Variants in HMCN1 observed in about 807,000 individuals in gnomAD.
The protein encoded by HMCN1 is hemicentin-1.
In HMCN1, 321 loss-of-function variants were observed where a neutral mutation model predicts 625.9. The ratio of observed to expected loss-of-function variants is 0.51; its 90% confidence interval spans 0.47 to 0.56. The LOEUF (loss-of-function observed/expected upper bound fraction) is 0.56. HMCN1 is among the 20% of genes least tolerant of loss of function. The pLI, the probability that HMCN1 is intolerant of heterozygous loss-of-function variation, is 0.00. For missense variants in HMCN1, 6,588 were observed against 6,887.3 expected (o/e 0.96, Z 1.54); for synonymous variants, 2,425 against 2,417.6 (o/e 1.00, Z -0.09).
chr1:185,867,301 T>G (rs1399238691), intron 4 of HMCN1, among the ~76,000 whole-genome samples: 1 of 152,172 alleles, frequency 6.6e-6, no homozygotes, highest in Non-Finnish European at 1.5e-5. Context: ...ACAGTTGATT[T>G]GCCTCAATGT....
intron 93 of HMCN1, 48 bp downstream of exon 93, chr1:186,145,971 A>G: frequency 1.3e-6 from 2 of 1,585,092 alleles, no homozygotes; most frequent in Admixed American, 3.4e-5. Flanking sequence ...GCCTTTGTGC[A>G]AATTAGAGAA....
At chr1:185,877,561 G>A (rs1664035883) in intron 4 of HMCN1, among the ~76,000 whole-genome samples, 1 of 151,310 alleles carries the variant, frequency 6.6e-6, no homozygotes, top group Non-Finnish European at 1.5e-5. Flanking sequence ...GGCATTATGG[G>A]CATTTTAACA....
Position 186,057,214 on chromosome 1 carries a change from T to G in HMCN1, c.7145-20T>G, listed in dbSNP as rs375393059. ...GCAACTAATATTTCCATTCCCTGTT[T>G]GTTTTATTTTGTCTTACAGCTCCTC... On this transcript the variant is annotated intron_variant, in intron 45 of 106. Coordinates refer to ENST00000271588, the MANE Select transcript of HMCN1 (RefSeq NM_031935.3). 1.7e-5 allele frequency: 27 copies of G among 1,599,474 alleles called. No homozygotes were observed. The African/African-American group carries it at 2.7e-4, about 16-fold the overall frequency.
intron 2 of HMCN1, among the ~76,000 whole-genome samples, chr1:185,858,481 G>T (rs1384779989): frequency 6.6e-6 from 1 of 150,908 alleles, no homozygotes; most frequent in East Asian, 1.9e-4. Flanking sequence ...AGGCTGGAGT[G>T]CAGTGGCATA....
At chr1:185,878,725 C>T (rs74859328) in intron 4 of HMCN1, among the ~76,000 whole-genome samples, 4,182 of 152,234 alleles carry the variant, frequency 0.027, 173 homozygotes, top group African/African-American at 0.09. Context: ...TATTATATTA[C>T]ATATCCTTTG....
At chr1:185,902,912 T>G (rs1272997206) in intron 4 of HMCN1, among the ~76,000 whole-genome samples, 1 of 151,490 alleles carries the variant, frequency 6.6e-6, no homozygotes, top group Non-Finnish European at 1.5e-5. Context: ...TCACTGAGAT[T>G]TGGCCATTCT....
chr1:185,991,669 ATTCC>A (rs1362796313), intron 22 of HMCN1, among the ~76,000 whole-genome samples: 1 of 151,386 alleles, frequency 6.6e-6, no homozygotes, highest in African/African-American at 2.4e-5. Flanking sequence ...TTATTTTTTC[ATTCC>A]TTTATTTATG....
chr1:185,863,792 AAC>A (rs1663014722), intron 2 of HMCN1, among the ~76,000 whole-genome samples: 1 of 152,238 alleles, frequency 6.6e-6, no homozygotes, highest in Non-Finnish European at 1.5e-5. Context: ...GGAAAAATGA[AAC>A]AGAGTCAGAG....
rs767976424 is a variant in HMCN1, at chr1:186,145,452, G to A, written c.14316G>A (p.Thr4772=). 1.6e-5 allele frequency: 26 copies of A among 1,605,936 alleles called. No individual in the cohort carries two copies. Among genetic ancestry groups the A allele is most frequent in the Middle Eastern group, 1.7e-4 (1 of 6,024 alleles). ...GTGGCTGGGGAACATGCAGCCGGAC[G>A]TGTAACGGAGGGCAGATGCGGCGGT... is the stretch of plus-strand genomic sequence containing the variant. ...PWSGWGTCSR[T]CNGGQMRRYR... is the part of the protein sequence containing the mutation. The change falls in exon 92 of 107, where the codon ACG becomes ACA. Residue 4772 remains threonine (T), a synonymous_variant. Transcript: ENST00000271588.
chr1:186,038,044 A>G lies in HMCN1; in HGVS notation c.5851+9A>G. On this transcript the variant is annotated intron_variant, in intron 37 of 106. Coordinates refer to ENST00000271588, the MANE Select transcript of HMCN1 (RefSeq NM_031935.3). ...TGGAAATCCTGTGCCTGGTACATTTACTTTTGAACTCTGTAACTTAATATT... is the reference window on the plus strand; with the variant it reads ...TGGAAATCCTGTGCCTGGTACATTTGCTTTTGAACTCTGTAACTTAATATT... 1 of 1,525,362 alleles carries G rather than the reference A, an allele frequency of 6.6e-7. No homozygotes were observed. Among genetic ancestry groups the G allele is most frequent in the Non-Finnish European group, 9.1e-7 (1 of 1,098,962 alleles). 94.5% of individuals were successfully genotyped at this position (1,525,362 alleles called of 1,614,324 possible).
intron 46 of HMCN1, among the ~76,000 whole-genome samples, chr1:186,058,475 G>T (rs1426169705): frequency 6.6e-6 from 1 of 151,802 alleles, no homozygotes; most frequent in Non-Finnish European, 1.5e-5. Flanking sequence ...TAACTATGAT[G>T]GGAAATTATC....
At chr1:186,066,553 C>G (rs1163648903) in intron 49 of HMCN1, among the ~76,000 whole-genome samples, 1 of 152,134 alleles carries the variant, frequency 6.6e-6, no homozygotes, top group Non-Finnish European at 1.5e-5. Flanking sequence ...CTACTGTCTC[C>G]ACCACTTCAT....
At chr1:186,169,544 A>T (rs992338155) in intron 100 of HMCN1, among the ~76,000 whole-genome samples, 12 of 152,116 alleles carry the variant, frequency 7.9e-5, no homozygotes, top group African/African-American at 2.7e-4. Flanking sequence ...CACATCTACA[A>T]CCATCTGATC....
At chr1:185,775,948 A>G (rs1656574654) in intron 1 of HMCN1, among the ~76,000 whole-genome samples, 1 of 152,226 alleles carries the variant, frequency 6.6e-6, no homozygotes, top group Non-Finnish European at 1.5e-5. Flanking sequence ...ATGCTCTAAT[A>G]GGAGCAGGCT....
rs767657987 is a variant in HMCN1, at chr1:186,003,809, T to A, written c.4440T>A (p.Thr1480=). The change falls in exon 29 of 107, where the codon ACT becomes ACA. Residue 1480 remains threonine (T), a synonymous_variant. Coordinates refer to ENST00000271588, the MANE Select transcript of HMCN1 (RefSeq NM_031935.3). ...CCCTTGAATGCCAGGTCAAAGGCAC[T>A]CCCTTTCCTGATATTCATTGGTTCA... The part of the protein sequence containing the change: ...DVALECQVKG[T]PFPDIHWFKD... The A allele has an allele frequency of 6.2e-7, 1 of 1,613,252 alleles. No individual in the cohort carries two copies.
chr1:186,103,599 G>T lies in HMCN1; in HGVS notation c.10701G>T (p.Arg3567=), dbSNP rs542588180. The T allele has an allele frequency of 6.2e-7, 1 of 1,613,854 alleles. No individual in the cohort carries two copies. The highest frequency in any genetic ancestry group is 1.3e-5 in the African/African-American group (1 of 74,996). Residue 3567 remains arginine, a synonymous_variant, in exon 69 of 107, where the codon CGG becomes CGT. Coordinates refer to ENST00000271588, the MANE Select transcript of HMCN1 (RefSeq NM_031935.3). ...AAATGACCTGGATGAAAGATGGCCG[G>T]CCCCTTCCACAGACGGATCAAGTGC... ...APKMTWMKDG[R]PLPQTDQVQT... is the part of the protein sequence containing the mutation.
chr1:185,735,171 A>G (rs971954274), intron 1 of HMCN1, 124 bp downstream of exon 1: 12 of 1,100,570 alleles, frequency 1.1e-5, no homozygotes, highest in Non-Finnish European at 1.6e-5. Context: ...AGCTGAAAAT[A>G]GTTGTAACAA....
intron 97 of HMCN1, among the ~76,000 whole-genome samples, chr1:186,156,255 G>A (rs1014824868): frequency 6.6e-6 from 1 of 152,060 alleles, no homozygotes; most frequent in Admixed American, 6.6e-5. Flanking sequence ...AAAGTGAAAT[G>A]AGAAGGTAAA....
rs1295508594 is a variant in HMCN1 at position 186,087,547 on chromosome 1, C to T, written c.9265C>T (p.Pro3089Ser). 1.1e-5 allele frequency: 17 copies of T among 1,613,142 alleles called. No individual in the cohort carries two copies. The highest frequency in any genetic ancestry group is 1.4e-5 in the Non-Finnish European group (16 of 1,179,492). Residue 3089 changes from proline (P) to serine (S), a missense_variant, in exon 60 of 107, where the codon CCA becomes TCA. Transcript: ENST00000271588. ...GTGTGAGTCGAACGCTGTGCCACCT[C>T]CAGTCATCACTTGGTATAAGAATGG... ...LECESNAVPP[P>S]VITWYKNGRM...
Sources: allele counts gnomAD v4.1 joint callset (sites outside exome capture counted in the v4.1 genomes callset), GRCh38; gene constraint gnomAD v4.1.1; transcripts MANE v1.5; gene names NCBI Gene and HGNC (gene_info 2026-07-23, HGNC 2026-07-21).